The following CYLC2 variants were observed in gnomAD, a reference collection of about 807,000 sequenced individuals.
CYLC2 encodes cylicin-2.
Under a neutral mutation model 26.1 loss-of-function variants are expected in CYLC2, and 30 were observed. The ratio of observed to expected loss-of-function variants is 1.15; its 90% CI spans 0.86 to 1.56. The LOEUF (loss-of-function observed/expected upper bound fraction) is 1.56. Ranked by LOEUF, CYLC2 falls within the 40% of genes most tolerant of loss-of-function variation. CYLC2 has a pLI of 0.00. For synonymous variants in CYLC2, 158 were observed against 132.8 expected (o/e 1.19, Z -1.31); for missense variants, 498 against 394.4 (o/e 1.26, Z -2.23).
chr9:103,013,866 A>G (rs1402680855), intron 6 of CYLC2, among the ~76,000 whole-genome samples: 1 of 108,536 alleles, frequency 9.2e-6, no homozygotes, highest in Non-Finnish European at 1.7e-5. Context: ...ATTATATATT[A>G]TATATTATAC....
At chr9:103,013,682 A>C (rs901907468) in intron 6 of CYLC2, among the ~76,000 whole-genome samples, 1 of 110,952 alleles carries the variant, frequency 9.0e-6, no homozygotes, top group African/African-American at 3.7e-5. Context: ...AATATATATG[A>C]TATATAATAT....
chr9:103,010,680 AATTAT>A (rs1421143270), intron 5 of CYLC2: 1 of 152,070 alleles, frequency 6.6e-6, no homozygotes, highest in East Asian at 1.9e-4. Context: ...AATTACATAA[AATTAT>A]ATTATTAGTT....
intron 6 of CYLC2, among the ~76,000 whole-genome samples, 178 bp from the exon 7 acceptor site, chr9:103,016,710 T>G (rs1829510134): frequency 6.6e-6 from 1 of 151,986 alleles, no homozygotes; most frequent in Non-Finnish European, 1.5e-5. Context: ...TTCAGTTGAT[T>G]TACAAGGAAA....
At chr9:103,009,624 A>G (rs1178315782) in intron 5 of CYLC2, among the ~76,000 whole-genome samples, 2 of 152,168 alleles carry the variant, frequency 1.3e-5, no homozygotes, top group African/African-American at 2.4e-5. Flanking sequence ...ATTACTGACT[A>G]TAGTCATTCC....
intron 5 of CYLC2, among the ~76,000 whole-genome samples, chr9:103,008,030 A>G (rs898611753): frequency 6.6e-6 from 1 of 150,582 alleles, no homozygotes; most frequent in African/African-American, 2.5e-5. Flanking sequence ...CACTCCCTCT[A>G]GGAACCTGCT....
intron 6 of CYLC2, among the ~76,000 whole-genome samples, chr9:103,012,573 T>A (rs759521412): frequency 4.6e-5 from 7 of 151,904 alleles, no homozygotes; most frequent in Non-Finnish European, 1.0e-4. Context: ...TGAGCCCTAA[T>A]CCATAATAAA....
chr9:103,017,198 T>C lies in CYLC2; in HGVS notation c.*890+237T>C, dbSNP rs188751673. Among the ~76,000 whole-genome samples, 353 of 151,988 alleles carry C rather than the reference T, an allele frequency of 2.3e-3. 1 individual carries two copies. The highest frequency in any genetic ancestry group is 8.1e-3 in the African/African-American group (336 of 41,496). On this transcript the variant is annotated intron_variant, in intron 7 of 7. Coordinates refer to ENST00000374798, the MANE Select transcript of CYLC2 (RefSeq NM_001340.5). The stretch of plus-strand genomic sequence containing the variant: ...AGGAGAATGGGATTTCAAAAGGGGA[T>C]TTAAGGTGGGTGGCATTTGAGAAGA...
chr9:103,001,312 A>G (rs561721233), intron 1 of CYLC2, among the ~76,000 whole-genome samples: 7 of 151,530 alleles, frequency 4.6e-5, no homozygotes, highest in African/African-American at 1.4e-4. Context: ...CAAATTGCAC[A>G]TCTGAAAATA....
At chr9:102,997,576 T>C (rs1202207133) in intron 1 of CYLC2, among the ~76,000 whole-genome samples, 1 of 151,952 alleles carries the variant, frequency 6.6e-6, no homozygotes, top group African/African-American at 2.4e-5. Context: ...CTTTCTACCA[T>C]GTCTTTTATG....
At chr9:103,009,755 T>A (rs1318717063) in intron 5 of CYLC2, among the ~76,000 whole-genome samples, 1 of 152,006 alleles carries the variant, frequency 6.6e-6, no homozygotes, top group Non-Finnish European at 1.5e-5. Context: ...CCTTTTACCC[T>A]CTACCTCTAT....
chr9:103,014,802 G>A (rs1431493180), intron 6 of CYLC2, among the ~76,000 whole-genome samples: 5 of 73,440 alleles, frequency 6.8e-5, no homozygotes, highest in Admixed American at 5.7e-4. Context: ...TGTAATATAC[G>A]TATGTATATT....
intron 3 of CYLC2, 104 bp from the exon 4 acceptor site, chr9:103,004,591 C>T (rs1587851663): frequency 1.2e-6 from 1 of 842,700 alleles, no homozygotes; most frequent in Non-Finnish European, 1.7e-6. Flanking sequence ...TTAACAAAAG[C>T]TAAAATCTTT....
intron 6 of CYLC2, among the ~76,000 whole-genome samples, chr9:103,014,056 T>A (rs1267015255): frequency 2.5e-5 from 3 of 118,524 alleles, no homozygotes; most frequent in African/African-American, 1.0e-4. Context: ...TATATATCTA[T>A]TTAATATTTC....
At position 103,005,370 on chromosome 9, in the gene CYLC2, G is replaced by A. The variant is rs746464948; in HGVS notation, c.739G>A (p.Gly247Arg). The A allele has an allele frequency of 2.1e-5, 34 of 1,613,306 alleles. No homozygotes were observed. The highest frequency in any genetic ancestry group is 2.5e-5 in the Non-Finnish European group (30 of 1,179,860). ...AGCAGATGAAAAGAAGGATGAGGAT[G>A]GAAAAAAAGATGCAAACAAAGGTGA... ...VKADEKKDED[G>R]KKDANKGDES... The change falls in exon 5 of 8, where the codon GGA (glycine) becomes AGA (arginine). Residue 247 changes from glycine (G) to arginine (R), a missense_variant. Transcript: ENST00000374798.
At chr9:102,997,873 A>G (rs1034727393) in intron 1 of CYLC2, among the ~76,000 whole-genome samples, 3 of 151,970 alleles carry the variant, frequency 2.0e-5, no homozygotes, top group Non-Finnish European at 4.4e-5. Flanking sequence ...TTAAAGGTTT[A>G]CCCCTGAAAA....
In CYLC2 at chr9:103,005,401, C is replaced by T. The variant is rs369079750; in HGVS notation, c.770C>T (p.Ser257Leu). ...AAAGATGCAAACAAAGGTGATGAATCGAAGGATGCCAAGAAAGATGCAAAG... is the reference window on the plus strand; with the variant it reads ...AAAGATGCAAACAAAGGTGATGAATTGAAGGATGCCAAGAAAGATGCAAAG... Reference protein sequence around the residue: ...GKKDANKGDESKDAKKDAKEI... With the variant: ...GKKDANKGDELKDAKKDAKEI... The change falls in exon 5 of 8, where the codon TCG becomes TTG. Residue 257 changes from serine (S) to leucine (L), a missense_variant. Ser to Leu is a moderately radical substitution (Grantham distance 145). Transcript: ENST00000374798. The T allele has an allele frequency of 3.7e-6, 6 of 1,613,442 alleles. No individual in the cohort carries two copies. Among genetic ancestry groups the T allele is most frequent in the African/African-American group, 1.3e-5 (1 of 74,750 alleles).
At position 103,000,845 on chromosome 9, in the gene CYLC2, G is replaced by A. The variant is rs942879026; in HGVS notation, c.18-733G>A. On this transcript the variant is annotated intron_variant, in intron 1 of 7. Coordinates refer to ENST00000374798, the MANE Select transcript of CYLC2 (RefSeq NM_001340.5). ...AATGTAAAATAATATTTCTCTAATA[G>A]ATCTTAGGATTGGTCTCCATCACCA... Among the ~76,000 whole-genome samples the A allele has an allele frequency of 4.6e-5, 7 of 152,060 alleles. No individual in the cohort carries two copies. The East Asian group carries it at 1.4e-3, about 29-fold the overall frequency.
chr9:103,007,067 T>C (rs1829359761), intron 5 of CYLC2, among the ~76,000 whole-genome samples: 1 of 152,092 alleles, frequency 6.6e-6, no homozygotes, highest in Non-Finnish European at 1.5e-5. Flanking sequence ...TTTAAAATAA[T>C]AAACATCAAA....
rs142731875 is a variant in CYLC2 at position 103,003,239 on chromosome 9, T to C, written c.156T>C (p.Ser52=). Residue 52 remains serine (S), a synonymous_variant, in exon 3 of 8, where the codon TCT becomes TCC. Transcript: ENST00000374798. ...RPGTKRRSKP[S]QIRDNTVSII... ...GAACCAAAAGGAGATCAAAACCTTC[T>C]CAAATACGGGACAACACGGTTTCTG... 1.2e-6 allele frequency: 2 copies of C among 1,613,658 alleles called. No individual in the cohort carries two copies. Among genetic ancestry groups the C allele is most frequent in the East Asian group, 4.5e-5 (2 of 44,846 alleles).
Sources: allele counts gnomAD v4.1 joint callset (sites outside exome capture counted in the v4.1 genomes callset), GRCh38; gene constraint gnomAD v4.1.1; transcripts MANE v1.5; gene names NCBI Gene and HGNC (gene_info 2026-07-23, HGNC 2026-07-21).